TTLL5: variants seen among roughly 807,000 people sequenced by gnomAD.
The protein encoded by TTLL5 is tubulin tyrosine ligase like 5.
A neutral mutation model predicts 168.4 loss-of-function variants in TTLL5; 132 were observed. The ratio of observed to expected loss-of-function variants is 0.78; its 90% CI spans 0.68 to 0.91. TTLL5 has a LOEUF of 0.91. Among genes scored for constraint, TTLL5 ranks in the 40% least tolerant of loss-of-function variants. The pLI is 0.00. For synonymous variants in TTLL5, 546 were observed against 558.6 expected (o/e 0.98, Z 0.32); for missense variants, 1,545 against 1,581.5 (o/e 0.98, Z 0.39).
Position 75,672,100 on chromosome 14 carries a change from C to A in TTLL5, c.181+2578C>A, listed in dbSNP as rs576163928. Among the ~76,000 whole-genome samples the A allele has an allele frequency of 3.3e-5, 5 of 152,276 alleles. No homozygotes were observed. In the South Asian group the frequency reaches 1.0e-3, roughly 32 times the overall value. Reference sequence around the variant, plus strand: ...AAAAGGTGTTAGTCAAATGCTTTTTCCACATCAACTGAAATGATATTTCCC... The same window carrying A: ...AAAAGGTGTTAGTCAAATGCTTTTTACACATCAACTGAAATGATATTTCCC... On this transcript the variant is annotated intron_variant, in intron 3 of 31. Coordinates refer to ENST00000298832, the MANE Select transcript of TTLL5 (RefSeq NM_015072.5).
At chr14:75,933,481 A>G (rs975424994) in intron 31 of TTLL5, among the ~76,000 whole-genome samples, 4 of 152,142 alleles carry the variant, frequency 2.6e-5, no homozygotes, top group Non-Finnish European at 5.9e-5. Context: ...ACACACAGTT[A>G]TTATCTCACA....
rs538195302 is a variant in TTLL5, at chr14:75,695,258, C to T, written c.503-3930C>T. 2.0e-4 allele frequency among the ~76,000 whole-genome samples: 31 copies of T among 152,310 alleles called. 1 individual carries two copies. The highest frequency in any genetic ancestry group is 1.6e-3 in the Admixed American group (25 of 15,304). On this transcript the variant is annotated intron_variant, in intron 6 of 31. Coordinates refer to ENST00000298832, the MANE Select transcript of TTLL5 (RefSeq NM_015072.5). Reference sequence around the variant, plus strand: ...GATAAAATAAGCCCTGGTCTCCCGTCGCGCTCCCAGGCCTATTAGGATGAG... The same window carrying T: ...GATAAAATAAGCCCTGGTCTCCCGTTGCGCTCCCAGGCCTATTAGGATGAG...
At chr14:75,944,174 G>A (rs547502886) in intron 31 of TTLL5, among the ~76,000 whole-genome samples, 5 of 152,236 alleles carry the variant, frequency 3.3e-5, no homozygotes, top group South Asian at 2.1e-4. Flanking sequence ...TTGAGGCTGC[G>A]GCAGACCTGT....
At position 75,707,068 on chromosome 14, in the gene TTLL5, C is replaced by T; in HGVS notation, c.636C>T (p.Asn212=). The change falls in exon 8 of 32, where the codon AAC becomes AAT. Residue 212 remains asparagine, a synonymous_variant. Coordinates refer to ENST00000298832, the MANE Select transcript of TTLL5 (RefSeq NM_015072.5). ...ACATTTTGGTCTCCCGTTACATTAA[C>T]AACCCCCTGCTCATAGATGGTGAGT... ...EENILVSRYI[N]NPLLIDDFKF... 1.2e-6 allele frequency: 2 copies of T among 1,612,750 alleles called. No homozygotes were observed. Among genetic ancestry groups the T allele is most frequent in the Admixed American group, 1.7e-5 (1 of 59,968 alleles).
At chr14:75,764,881 C>T in intron 19 of TTLL5, 109 bp downstream of exon 19, 4 of 1,262,214 alleles carry the variant, frequency 3.2e-6, no homozygotes, top group South Asian at 3.1e-5. Flanking sequence ...TGATCACATA[C>T]ACCTTTTTTA....
At chr14:75,797,457 T>C (rs1276658560) in intron 27 of TTLL5, among the ~76,000 whole-genome samples, 2 of 152,140 alleles carry the variant, frequency 1.3e-5, no homozygotes, top group South Asian at 2.1e-4. Flanking sequence ...CTATGTTGAA[T>C]AGAAGTGGTG....
chr14:75,779,724 C>T (rs764784957), intron 24 of TTLL5, 22 bp downstream of exon 24: 19 of 1,573,574 alleles, frequency 1.2e-5, no homozygotes, highest in Admixed American at 1.0e-4. Context: ...GGTTAATGAA[C>T]GAAAAATAAG....
intron 28 of TTLL5, among the ~76,000 whole-genome samples, chr14:75,822,882 C>T (rs1393764771): frequency 6.6e-6 from 1 of 152,130 alleles, no homozygotes; most frequent in African/African-American, 2.4e-5. Flanking sequence ...GGCAAAGAGC[C>T]CACGACTTGC....
chr14:75,733,476 C>T (rs145265635), intron 13 of TTLL5, among the ~76,000 whole-genome samples: 20 of 151,162 alleles, frequency 1.3e-4, no homozygotes, highest in South Asian at 2.1e-4. Context: ...CTTTTTTTGC[C>T]GTATTTGCAA....
chr14:75,766,319 G>A lies in TTLL5; in HGVS notation c.1966G>A (p.Glu656Lys), dbSNP rs1481439974. The A allele has an allele frequency of 6.2e-7, 1 of 1,613,854 alleles. No homozygotes were observed. Among genetic ancestry groups the A allele is most frequent in the East Asian group, 2.2e-5 (1 of 44,870 alleles). The change falls in exon 20 of 32, where the codon GAG (glutamate) becomes AAG (lysine). Residue 656 changes from glutamate (E) to lysine (K), a missense_variant. By Grantham distance (56) the Glu-to-Lys change is moderately conservative. Coordinates refer to ENST00000298832, the MANE Select transcript of TTLL5 (RefSeq NM_015072.5). ...CTGCAAACTTGAGACTCAGGAGCTA[G>A]AGCCTAAATTTAACCTGATGCAGAT... ...HCCKLETQEL[E>K]PKFNLMQILQ...
At chr14:75,739,747 A>G (rs1889134383) in intron 15 of TTLL5, among the ~76,000 whole-genome samples, 1 of 152,198 alleles carries the variant, frequency 6.6e-6, no homozygotes, top group Non-Finnish European at 1.5e-5. Context: ...GGATAATAAT[A>G]TATACATGAA....
chr14:75,827,648 C>T (rs952475995), intron 28 of TTLL5, among the ~76,000 whole-genome samples: 2 of 146,036 alleles, frequency 1.4e-5, no homozygotes, highest in Non-Finnish European at 3.0e-5. Flanking sequence ...AATTATCAAG[C>T]TAAGATTCAT....
At chr14:75,862,777 A>G (rs1259188485) in intron 28 of TTLL5, among the ~76,000 whole-genome samples, 2 of 152,010 alleles carry the variant, frequency 1.3e-5, no homozygotes, top group Non-Finnish European at 2.9e-5. Flanking sequence ...CCCCGTCTCT[A>G]CAAAAAAAAT....
chr14:75,730,750 T>C (rs1233145669), intron 12 of TTLL5, among the ~76,000 whole-genome samples: 1 of 152,080 alleles, frequency 6.6e-6, no homozygotes, highest in Non-Finnish European at 1.5e-5. Flanking sequence ...AGGATTCTTT[T>C]TTTTTTTCAC....
intron 31 of TTLL5, among the ~76,000 whole-genome samples, chr14:75,946,283 T>C (rs2034767945): frequency 6.6e-6 from 1 of 152,242 alleles, no homozygotes. Flanking sequence ...TTTAAGTTCA[T>C]ACTGTACAGT....
intron 31 of TTLL5, among the ~76,000 whole-genome samples, chr14:75,913,008 G>A (rs999675898): frequency 6.6e-6 from 1 of 152,282 alleles, no homozygotes; most frequent in African/African-American, 2.4e-5. Context: ...TGTGTCTTAG[G>A]CAATCCTAAA....
chr14:75,713,604 G>A, intron 9 of TTLL5, among the ~76,000 whole-genome samples: 1 of 152,220 alleles, frequency 6.6e-6, no homozygotes, highest in East Asian at 1.9e-4. Flanking sequence ...CAGACCTAGA[G>A]AAGATGAAAT....
chr14:75,822,061 AAGGAGCCCTG>A (rs1405110218), intron 28 of TTLL5, among the ~76,000 whole-genome samples: 6 of 152,142 alleles, frequency 3.9e-5, no homozygotes, highest in African/African-American at 1.4e-4. Context: ...ACCCAACCTA[AAGGAGCCCTG>A]AGTGAATTCT....
intron 9 of TTLL5, among the ~76,000 whole-genome samples, chr14:75,708,886 A>G (rs1197076622): frequency 2.0e-5 from 3 of 152,128 alleles, no homozygotes; most frequent in Admixed American, 6.5e-5. Context: ...GGGGTGTCCA[A>G]TCTTTTGGCT....
Sources: allele counts gnomAD v4.1 joint callset (sites outside exome capture counted in the v4.1 genomes callset), GRCh38; gene constraint gnomAD v4.1.1; transcripts MANE v1.5; gene names NCBI Gene and HGNC (gene_info 2026-07-23, HGNC 2026-07-21).